Variants in CPEB2 observed in about 807,000 individuals in gnomAD.
The protein encoded by CPEB2 is cytoplasmic polyadenylation element binding protein 2.
Under a neutral mutation model 93.6 loss-of-function variants are expected in CPEB2, and 56 were observed. That is an observed-to-expected ratio of 0.60 (90% CI 0.48 to 0.75). CPEB2 has a LOEUF of 0.75. CPEB2 is among the 30% of genes least tolerant of loss of function. CPEB2 has a pLI of 0.00. For synonymous variants in CPEB2, 764 were observed against 586.3 expected, an observed-to-expected ratio of 1.30 and a Z score of -4.38; for missense variants, 1,579 against 1,395.1, an observed-to-expected ratio of 1.13 and a Z score of -2.10.
intron 5 of CPEB2, among the ~76,000 whole-genome samples, chr4:15,039,790 C>T (rs950111476): frequency 6.6e-6 from 1 of 152,064 alleles, no homozygotes; most frequent in Non-Finnish European, 1.5e-5. Flanking sequence ...CTGAATCCCT[C>T]TTACCTCATA....
At chr4:15,021,827 C>G (rs1201617739) in intron 4 of CPEB2, among the ~76,000 whole-genome samples, 5 of 151,902 alleles carry the variant, frequency 3.3e-5, no homozygotes, top group African/African-American at 1.2e-4. Flanking sequence ...TACCTGATTG[C>G]TAAACTCCTA....
intron 4 of CPEB2, among the ~76,000 whole-genome samples, chr4:15,018,975 C>T (rs1307303434): frequency 1.4e-5 from 2 of 139,866 alleles, no homozygotes; most frequent in African/African-American, 2.6e-5. Context: ...TATATACACA[C>T]GCACACACAC....
At chr4:15,030,877 G>C (rs534920103) in intron 4 of CPEB2, among the ~76,000 whole-genome samples, 1 of 152,020 alleles carries the variant, frequency 6.6e-6, no homozygotes, top group African/African-American at 2.4e-5. Context: ...TATTAGCAGT[G>C]AAACTATTTT....
At chr4:15,027,411 C>CT (rs896178173) in intron 4 of CPEB2, among the ~76,000 whole-genome samples, 1 of 152,118 alleles carries the variant, frequency 6.6e-6, no homozygotes, top group African/African-American at 2.4e-5. Context: ...ATCTAAGGGT[C>CT]TTTTCTGCGT....
intron 5 of CPEB2, among the ~76,000 whole-genome samples, chr4:15,037,932 A>C (rs1026574603): frequency 2.6e-5 from 4 of 152,210 alleles, no homozygotes; most frequent in African/African-American, 7.2e-5. Context: ...ATTAAGAGTT[A>C]TAATGGAACA....
chr4:15,009,337 A>AT (rs1723193853), intron 3 of CPEB2, among the ~76,000 whole-genome samples: 1 of 152,236 alleles, frequency 6.6e-6, no homozygotes, highest in Admixed American at 6.5e-5. Flanking sequence ...GAAGGTTAGC[A>AT]TTAATTTTGA....
At chr4:15,057,003 T>C (rs1728771021) in intron 8 of CPEB2, among the ~76,000 whole-genome samples, 1 of 152,082 alleles carries the variant, frequency 6.6e-6, no homozygotes, top group Non-Finnish European at 1.5e-5. Flanking sequence ...TATTAAAATA[T>C]TAATATCAAA....
intron 1 of CPEB2, 29 bp from the exon 2 acceptor site, chr4:15,007,276 C>G: frequency 7.2e-7 from 1 of 1,395,556 alleles, no homozygotes; most frequent in Non-Finnish European, 9.4e-7. Flanking sequence ...CTTTAAATGC[C>G]GCAATTTAAA....
Position 15,003,155 on chromosome 4 carries a change from C to T in CPEB2, c.482C>T (p.Ser161Phe). 6.5e-7 allele frequency: 1 copy of T among 1,534,458 alleles called. No homozygotes were observed. The highest frequency in any genetic ancestry group is 8.7e-7 in the Non-Finnish European group (1 of 1,146,180). Reference sequence around the variant, plus strand: ...TCCTCCTGCTGCTGCTGCCGCACCTCCTCCCCGCAGGACTTCAGTAAGCGG... The same window carrying T: ...TCCTCCTGCTGCTGCTGCCGCACCTTCTCCCCGCAGGACTTCAGTAAGCGG... Reference protein sequence around the residue: ...SASSCCCCRTSSPQDFSKRQQ... With the variant: ...SASSCCCCRTFSPQDFSKRQQ... Residue 161 changes from serine (S) to phenylalanine (F), a missense_variant, in exon 1 of 12, where the codon TCC (serine) becomes TTC (phenylalanine). Physicochemically the swap from Ser to Phe is radical, Grantham distance 155. Coordinates refer to ENST00000538197, the MANE Select transcript of CPEB2 (RefSeq NM_001177382.2).
intron 6 of CPEB2, among the ~76,000 whole-genome samples, chr4:15,050,653 C>T (rs1034989656): frequency 8.5e-5 from 13 of 152,152 alleles, no homozygotes; most frequent in African/African-American, 3.1e-4. Flanking sequence ...CTTAATATCT[C>T]ACATTGTTAC....
At chr4:15,054,998 C>T (rs1342438970) in intron 8 of CPEB2, among the ~76,000 whole-genome samples, 1 of 152,110 alleles carries the variant, frequency 6.6e-6, no homozygotes, top group East Asian at 1.9e-4. Flanking sequence ...ATTGTCAAGC[C>T]TGGAGAAAAG....
chr4:15,035,758 A>T (rs1181144374), intron 5 of CPEB2, among the ~76,000 whole-genome samples: 2 of 152,198 alleles, frequency 1.3e-5, no homozygotes, highest in Non-Finnish European at 2.9e-5. Flanking sequence ...TCTCTGAGGC[A>T]CTGTTTCCTA....
chr4:15,027,041 T>G (rs571070572), intron 4 of CPEB2, among the ~76,000 whole-genome samples: 1 of 152,336 alleles, frequency 6.6e-6, no homozygotes, highest in East Asian at 1.9e-4. Context: ...TCAACTTGAC[T>G]TTAATATTAG....
At chr4:15,053,007 T>A (rs1474467038) in intron 7 of CPEB2, among the ~76,000 whole-genome samples, 3 of 146,128 alleles carry the variant, frequency 2.1e-5, no homozygotes, top group Non-Finnish European at 4.4e-5. Context: ...TTATTTTTAT[T>A]TTTATTTATT....
At chr4:15,032,206 TC>T (rs1269914469) in intron 4 of CPEB2, among the ~76,000 whole-genome samples, 1 of 152,158 alleles carries the variant, frequency 6.6e-6, no homozygotes, top group African/African-American at 2.4e-5. Context: ...CAAGTGATCT[TC>T]CTTTTTCTAC....
In CPEB2 at chr4:15,062,064, C is replaced by T. The variant is rs750434238; in HGVS notation, c.2696-15C>T. On this transcript the variant is annotated splice_polypyrimidine_tract_variant and intron_variant, in intron 10 of 11. Transcript: ENST00000538197. ...GTTCTCTCACATTTGATGTAAACTT[C>T]TTTTCCTTTTCAAGTGGAACTTGCT... The T allele has an allele frequency of 1.9e-6, 3 of 1,580,346 alleles. No individual in the cohort carries two copies. Among genetic ancestry groups the T allele is most frequent in the Non-Finnish European group, 8.6e-7 (1 of 1,160,732 alleles).
At chr4:15,033,823 G>A (rs950198287) in intron 5 of CPEB2, among the ~76,000 whole-genome samples, 4 of 152,170 alleles carry the variant, frequency 2.6e-5, no homozygotes, top group Non-Finnish European at 5.9e-5. Flanking sequence ...AGTAGAGATG[G>A]AAGATTAAAA....
At position 15,008,301 on chromosome 4, in the gene CPEB2, CT is replaced by C. The variant is rs757550324; in HGVS notation, c.1945-36del. 686 of 1,470,268 alleles carry C rather than the reference CT, an allele frequency of 4.7e-4. 2 individuals are homozygous for C. The highest frequency in any genetic ancestry group is 2.5e-4 in the Non-Finnish European group (258 of 1,049,858). The allele number at this position is 1,470,268 out of a possible 1,614,324, so 91.1% of individuals were successfully genotyped here. ...CGTTGGGTGGGTATGGGGAAGACAA[CT>C]GCTCATTTCTGATGAAAACTTCTAT... is the stretch of plus-strand genomic sequence containing the variant. On this transcript the variant is annotated intron_variant, in intron 2 of 11. Transcript: ENST00000538197.
rs1278582899 is a variant in CPEB2, at chr4:15,067,764, G to A, written c.*1384G>A. 2 of 152,398 alleles carry A rather than the reference G, an allele frequency of 1.3e-5. No individual in the cohort carries two copies. Among genetic ancestry groups the A allele is most frequent in the Non-Finnish European group, 2.9e-5 (2 of 67,932 alleles). The allele number at this position is 152,398 out of a possible 1,614,324, so 9.4% of individuals were successfully genotyped here. On this transcript the variant is annotated 3_prime_UTR_variant, in exon 12 of 12. Transcript: ENST00000538197. ...TGAAATCTGGCTTGAACTTGCTTAT[G>A]TGTTTAACCTATAAATATTGGGGTC... is the stretch of plus-strand genomic sequence containing the variant.
Sources: gnomAD v4.1 joint callset for allele counts (sites outside exome capture counted in the v4.1 genomes callset) on GRCh38, gnomAD v4.1.1 for gene constraint, MANE v1.5 for transcripts, NCBI Gene and HGNC (gene_info 2026-07-23, HGNC 2026-07-21) for gene names.